Variants in LEPR observed in about 807,000 individuals in gnomAD.
LEPR encodes the protein OB receptor.
A neutral mutation model predicts 114.7 loss-of-function variants in LEPR; 56 were observed. The observed-to-expected ratio is 0.49, with a 90% CI of 0.39 to 0.61. The LOEUF (loss-of-function observed/expected upper bound fraction) is 0.61. Among genes scored for constraint, LEPR ranks in the 20% least tolerant of loss-of-function variants. The pLI is 0.00. For missense variants in LEPR, 1,202 were observed against 1,352.9 expected, an observed-to-expected ratio of 0.89 and a Z score of 1.75; for synonymous variants, 443 against 461.4, an observed-to-expected ratio of 0.96 and a Z score of 0.51.
chr1:65,430,228 G>A (rs977723208), intron 2 of LEPR: 7 of 447,888 alleles, frequency 1.6e-5, no homozygotes, highest in African/African-American at 1.2e-4. Flanking sequence ...CCTTCAGAGT[G>A]CTTTCTTTAT....
intron 2 of LEPR, among the ~76,000 whole-genome samples, chr1:65,439,196 C>G (rs897661453): frequency 1.3e-5 from 2 of 152,026 alleles, no homozygotes; most frequent in Non-Finnish European, 2.9e-5. Flanking sequence ...ATCAATTTTC[C>G]GCAACATGAT....
chr1:65,531,119 T>C (rs1171269), intron 2 of LEPR, among the ~76,000 whole-genome samples: 109,300 of 151,938 alleles, frequency 0.72, 40,322 homozygotes, highest in Middle Eastern at 0.88. Flanking sequence ...ATCATTCTGC[T>C]TGCCACTTTA....
chr1:65,578,330 A>G (rs3790424), intron 5 of LEPR: 68,152 of 223,698 alleles, frequency 0.3, 11,995 homozygotes, highest in East Asian at 0.83. Context: ...CACAGGTCAC[A>G]GATGTAAAAA....
At chr1:65,475,703 C>A (rs1244083671) in intron 2 of LEPR, among the ~76,000 whole-genome samples, 1 of 152,032 alleles carries the variant, frequency 6.6e-6, no homozygotes, top group Admixed American at 6.6e-5. Flanking sequence ...GTTCAAAAAG[C>A]CACAGATATT....
chr1:65,638,505 T>C lies in LEPR; in HGVS notation c.*1490T>C, dbSNP rs527381494. The C allele has an allele frequency of 2.0e-5, 3 of 152,312 alleles. No homozygotes were observed. The highest frequency in any genetic ancestry group is 6.5e-5 in the Admixed American group (1 of 15,294). 9.4% of individuals were successfully genotyped at this position (152,312 alleles called of 1,614,324 possible). On this transcript the variant is annotated 3_prime_UTR_variant, in exon 20 of 20. Transcript: ENST00000349533. ...GTTCAAAAATATGCCTATGGGTTTTTAAAAATTATCAGAATTTCATATTTA... is the reference window on the plus strand; with the variant it reads ...GTTCAAAAATATGCCTATGGGTTTTCAAAAATTATCAGAATTTCATATTTA...
chr1:65,574,857 C>T (rs190071222), intron 5 of LEPR, among the ~76,000 whole-genome samples: 53 of 152,184 alleles, frequency 3.5e-4, no homozygotes, highest in Middle Eastern at 3.4e-3. Flanking sequence ...ATGATATGTA[C>T]GGATTTGGCA....
chr1:65,621,852 G>A (rs1009450000), intron 18 of LEPR, among the ~76,000 whole-genome samples: 12 of 152,118 alleles, frequency 7.9e-5, no homozygotes, highest in Admixed American at 2.6e-4. Context: ...AGTTTATGGC[G>A]GGGTTGGAAT....
At chr1:65,420,762 G>A (rs539912626) in intron 1 of LEPR, 22 bp downstream of exon 1, 1 of 1,576,510 alleles carries the variant, frequency 6.3e-7, no homozygotes, top group Non-Finnish European at 8.6e-7. Flanking sequence ...TCCCCGGCTC[G>A]CTTGTCGTGT....
intron 14 of LEPR, among the ~76,000 whole-genome samples, chr1:65,611,480 C>T (rs1442064404): frequency 6.6e-6 from 1 of 152,192 alleles, no homozygotes; most frequent in Non-Finnish European, 1.5e-5. Context: ...CTGCAAACTT[C>T]TACAGTGAAG....
intron 2 of LEPR, among the ~76,000 whole-genome samples, chr1:65,448,866 T>C (rs1185235966): frequency 6.6e-6 from 1 of 152,202 alleles, no homozygotes; most frequent in Non-Finnish European, 1.5e-5. Flanking sequence ...GGATCTGTAA[T>C]GATGTTCCCT....
intron 6 of LEPR, 85 bp downstream of exon 6, chr1:65,592,950 A>G (rs1655808174): frequency 1.4e-6 from 2 of 1,443,316 alleles, no homozygotes; most frequent in Admixed American, 1.9e-5. Context: ...AATATTTGCT[A>G]GCTTATCTCA....
chr1:65,583,637 A>G (rs950034664), intron 5 of LEPR, among the ~76,000 whole-genome samples: 2 of 152,172 alleles, frequency 1.3e-5, no homozygotes, highest in African/African-American at 4.8e-5. Flanking sequence ...AACAAAATCC[A>G]ACACTCTTCA....
At position 65,606,535 on chromosome 1, in the gene LEPR, C is replaced by T. The variant is rs551583494; in HGVS notation, c.1603+1298C>T. On this transcript the variant is annotated intron_variant, in intron 11 of 19. Coordinates refer to ENST00000349533, the MANE Select transcript of LEPR (RefSeq NM_002303.6). ...GACTAGCCACACAGGCACTATGTGT[C>T]TGTTTTGTCATCCATAAAATGTAGA... Among the ~76,000 whole-genome samples, 5 of 152,304 alleles carry T rather than the reference C, an allele frequency of 3.3e-5. 1 individual carries two copies. The South Asian group carries it at 1.0e-3, about 32-fold the overall frequency.
At chr1:65,491,300 T>A (rs1356473572) in intron 2 of LEPR, among the ~76,000 whole-genome samples, 1 of 152,088 alleles carries the variant, frequency 6.6e-6, no homozygotes, top group East Asian at 1.9e-4. Flanking sequence ...TATTTTCGTA[T>A]GTACACAGAA....
intron 19 of LEPR, chr1:65,630,351 A>G (rs1055755380): frequency 5.5e-5 from 11 of 201,776 alleles, no homozygotes; most frequent in Non-Finnish European, 3.9e-5. Context: ...CCCTCCCTCC[A>G]CTATTGTCCT....
intron 2 of LEPR, among the ~76,000 whole-genome samples, chr1:65,483,151 C>T (rs1647302081): frequency 6.6e-6 from 1 of 151,740 alleles, no homozygotes; most frequent in East Asian, 1.9e-4. Context: ...CATCAGGAGA[C>T]ACTGTAAGGA....
rs776078871 is a variant in LEPR at position 65,420,780 on chromosome 1, T to C, written c.-97+40T>C. 1.9e-6 allele frequency: 3 copies of C among 1,567,046 alleles called. No individual in the cohort carries two copies. The South Asian group carries it at 3.5e-5, about 18-fold the overall frequency. ...CCGGCTCGCTTGTCGTGTGGTGGGG[T>C]TGCCACCTCCGTTCCGGTCAAGCCT... On this transcript the variant is annotated intron_variant, in intron 1 of 19. Coordinates refer to ENST00000349533, the MANE Select transcript of LEPR (RefSeq NM_002303.6).
At chr1:65,496,733 A>T (rs1159472829) in intron 2 of LEPR, among the ~76,000 whole-genome samples, 1 of 152,172 alleles carries the variant, frequency 6.6e-6, no homozygotes, top group Non-Finnish European at 1.5e-5. Context: ...AAATAGTAAC[A>T]TCTGCTTAAA....
chr1:65,635,405 C>A, intron 19 of LEPR: 1 of 979,902 alleles, frequency 1.0e-6, no homozygotes. Context: ...GATATAATCA[C>A]TTCTATAAAA....
Sources: gnomAD v4.1 joint callset for allele counts (sites outside exome capture counted in the v4.1 genomes callset) on GRCh38, gnomAD v4.1.1 for gene constraint, MANE v1.5 for transcripts, NCBI Gene and HGNC (gene_info 2026-07-23, HGNC 2026-07-21) for gene names.